Variants in INF2 observed in about 807,000 individuals in gnomAD.
The protein encoded by INF2 is inverted formin-2.
Under a neutral mutation model 123.5 loss-of-function variants are expected in INF2, and 43 were observed. The ratio of observed to expected loss-of-function variants is 0.35; its 90% CI spans 0.27 to 0.45. INF2 has a LOEUF of 0.45. Among genes scored for constraint, INF2 ranks in the 20% least tolerant of loss-of-function variants. The probability of loss-of-function intolerance (pLI) is 1.00; values close to 1 mark genes in which losing one functional copy is unlikely to be tolerated. For synonymous variants in INF2, 851 were observed against 745.0 expected, an observed-to-expected ratio of 1.14 and a Z score of -2.32; for missense variants, 1,453 against 1,682.7, an observed-to-expected ratio of 0.86 and a Z score of 2.39.
Position 104,708,772 on chromosome 14 carries a change from C to T in INF2, c.1949+40C>T. 2 of 1,600,506 alleles carry T rather than the reference C, an allele frequency of 1.2e-6. 1 individual carries two copies. Among genetic ancestry groups the T allele is most frequent in the South Asian group, 2.2e-5 (2 of 90,868 alleles). On this transcript the variant is annotated intron_variant, in intron 10 of 22. Coordinates refer to ENST00000392634, the MANE Select transcript of INF2 (RefSeq NM_022489.4). Reference sequence around the variant, plus strand: ...TAGCCCCCATCCCAGGCCACGGAGCCTCGCCTCCACCTGAGCCTTCTGACT... The same window carrying T: ...TAGCCCCCATCCCAGGCCACGGAGCTTCGCCTCCACCTGAGCCTTCTGACT...
intron 1 of INF2, among the ~76,000 whole-genome samples, chr14:104,692,927 C>T (rs1889023381): frequency 1.3e-5 from 2 of 152,258 alleles, no homozygotes; most frequent in Admixed American, 6.5e-5. Context: ...TGCCCCGAGC[C>T]TCTGTGCCCT....
At chr14:104,714,170 G>C (rs1303267816) in intron 20 of INF2, 33 bp from the exon 21 acceptor site, 1 of 1,463,182 alleles carries the variant, frequency 6.8e-7, no homozygotes, top group Non-Finnish European at 9.0e-7. Context: ...GGGGCAGGGT[G>C]CCTGCCCTTC....
At chr14:104,709,189 G>A (rs1054118775) in intron 10 of INF2, 92 bp from the exon 11 acceptor site, 6 of 959,782 alleles carry the variant, frequency 6.3e-6, no homozygotes, top group East Asian at 2.6e-5. Flanking sequence ...CCATGACTAC[G>A]TGGGGAAACC....
upstream of INF2, chr14:104,689,219 G>C (rs867602566): frequency 9.1e-6 from 9 of 985,288 alleles, no homozygotes; most frequent in Middle Eastern, 5.2e-4. Flanking sequence ...TGGCTGGAAC[G>C]GGAGTCCCGG....
At chr14:104,692,148 G>T (rs1412436241) in intron 1 of INF2, among the ~76,000 whole-genome samples, 3 of 152,204 alleles carry the variant, frequency 2.0e-5, no homozygotes, top group Non-Finnish European at 4.4e-5. Context: ...GGGTCTGTGT[G>T]CTGGGTGAGT....
intron 22 of INF2, chr14:104,715,594 G>A (rs764686888): frequency 1.7e-5 from 10 of 603,514 alleles, no homozygotes; most frequent in Admixed American, 8.2e-5. Context: ...CCGGGCATGC[G>A]GGCCTCGAGA....
chr14:104,688,107 C>A (rs998804306), upstream of INF2, among the ~76,000 whole-genome samples: 1 of 152,254 alleles, frequency 6.6e-6, no homozygotes, highest in Non-Finnish European at 1.5e-5. Context: ...GGGCCGGAGG[C>A]CGGCCTTCCA....
In INF2 at chr14:104,715,281, C is replaced by T; in HGVS notation, c.3695-3C>T. 1 of 1,613,558 alleles carries T rather than the reference C, an allele frequency of 6.2e-7. No individual in the cohort carries two copies. Among genetic ancestry groups the T allele is most frequent in the Non-Finnish European group, 8.5e-7 (1 of 1,179,680 alleles). ...TGAGTGCGTTTCTTTTATTTGGAAG[C>T]AGAGGTTCCCCCTGATTCTGATGAT... On this transcript the variant is annotated splice_region_variant and splice_polypyrimidine_tract_variant and intron_variant, in intron 21 of 22. Transcript: ENST00000392634.
At chr14:104,696,449 C>T (rs1319919594) in intron 1 of INF2, among the ~76,000 whole-genome samples, 2 of 152,374 alleles carry the variant, frequency 1.3e-5, no homozygotes, top group African/African-American at 4.8e-5. Flanking sequence ...CCCCTGTGCA[C>T]AGACCCTCCC....
intron 1 of INF2, among the ~76,000 whole-genome samples, chr14:104,698,803 T>C (rs1442931223): frequency 6.6e-6 from 1 of 152,108 alleles, no homozygotes; most frequent in Non-Finnish European, 1.5e-5. Context: ...GGCCTCAGCC[T>C]CCGGGGCCTC....
At chr14:104,706,681 G>A (rs1285602874) in intron 6 of INF2, among the ~76,000 whole-genome samples, 1 of 152,162 alleles carries the variant, frequency 6.6e-6, no homozygotes, top group Admixed American at 6.5e-5. Flanking sequence ...CTGGGCAGGG[G>A]GTGCTGTTGG....
chr14:104,707,762 TGCC>T lies in INF2; in HGVS notation c.1496_1498del (p.Cys499_Pro500delinsSer). ...ACCTCCACCACTCCCGGGCTTGGGATGCCCGCCCCCACCCCCACCCCTGCTGCC... is the reference window on the plus strand; with the variant it reads ...ACCTCCACCACTCCCGGGCTTGGGATCGCCCCCACCCCCACCCCTGCTGCC... On this transcript the variant is annotated inframe_deletion, in exon 8 of 23. Transcript: ENST00000392634. 8.1e-7 allele frequency: 1 copy of T among 1,236,952 alleles called. No homozygotes were observed. Among genetic ancestry groups the T allele is most frequent in the Non-Finnish European group, 1.1e-6 (1 of 907,246 alleles). 76.6% of individuals were successfully genotyped at this position (1,236,952 alleles called of 1,614,324 possible). A position where few individuals can be genotyped will look rare whatever the true frequency, so the allele number is the denominator to read the frequency against.
chr14:104,714,930 A>G, intron 21 of INF2, 74 bp downstream of exon 21: 2 of 1,402,574 alleles, frequency 1.4e-6, no homozygotes, highest in Non-Finnish European at 9.4e-7. Context: ...CCCCTTCCCC[A>G]TTGGGCACTG....
At chr14:104,709,561 G>A in intron 11 of INF2, 59 bp from the exon 12 acceptor site, 2 of 1,510,970 alleles carry the variant, frequency 1.3e-6, no homozygotes, top group Non-Finnish European at 1.8e-6. Context: ...CCGGCGGGCA[G>A]TCCGGGAGGG....
intron 6 of INF2, among the ~76,000 whole-genome samples, chr14:104,706,392 C>T (rs1211315779): frequency 1.3e-5 from 2 of 152,132 alleles, no homozygotes; most frequent in East Asian, 1.9e-4. Flanking sequence ...GGGGGCCGGG[C>T]TGGGCCCTGG....
chr14:104,709,189 G>C (rs1054118775), intron 10 of INF2, 92 bp from the exon 11 acceptor site: 2 of 959,782 alleles, frequency 2.1e-6, no homozygotes, highest in Non-Finnish European at 3.2e-6. Flanking sequence ...CCATGACTAC[G>C]TGGGGAAACC....
In INF2 at chr14:104,708,417, C is replaced by G. The variant is rs968695542; in HGVS notation, c.1736-19C>G. Reference sequence around the variant, plus strand: ...CCCGGGGCTGCGAGAGCCTCACTGGCCGTGTCCCCACCCGACAGAGCACAA... The same window carrying G: ...CCCGGGGCTGCGAGAGCCTCACTGGGCGTGTCCCCACCCGACAGAGCACAA... On this transcript the variant is annotated intron_variant, in intron 8 of 22. Transcript: ENST00000392634. 4.3e-6 allele frequency: 7 copies of G among 1,610,156 alleles called. No individual in the cohort carries two copies. Among genetic ancestry groups the G allele is most frequent in the Non-Finnish European group, 5.9e-6 (7 of 1,179,226 alleles).
At position 104,714,296 on chromosome 14, in the gene INF2, G is replaced by A. The variant is rs200369827; in HGVS notation, c.3134G>A (p.Arg1045Gln). The change falls in exon 21 of 23, where the codon CGG (arginine) becomes CAG (glutamine). Residue 1045 changes from arginine (R) to glutamine (Q), a missense_variant. Physicochemically the swap from Arg to Gln is conservative, Grantham distance 43 (BLOSUM62 1). Transcript: ENST00000392634. The stretch of plus-strand genomic sequence containing the variant: ...GATGCTACAACAGCCAGCGAGTCCC[G>A]GGGCTGGGACCTTGTAGACGCCGTG... ...GLDATTASES[R>Q]GWDLVDAVTP... The A allele has an allele frequency of 1.2e-3, 1,954 of 1,591,924 alleles. 7 individuals carry two copies. Among genetic ancestry groups the A allele is most frequent in the Non-Finnish European group, 1.5e-3 (1,712 of 1,170,546 alleles).
intron 13 of INF2, 62 bp from the exon 14 acceptor site, chr14:104,710,875 C>G: frequency 6.8e-7 from 1 of 1,467,882 alleles, no homozygotes; most frequent in South Asian, 1.2e-5. Flanking sequence ...CCACACCCCA[C>G]CGCCAGGGCA....
Sources: gnomAD v4.1 joint callset for allele counts (sites outside exome capture counted in the v4.1 genomes callset) on GRCh38, gnomAD v4.1.1 for gene constraint, MANE v1.5 for transcripts, NCBI Gene and HGNC (gene_info 2026-07-23, HGNC 2026-07-21) for gene names.